Variants in COL4A5 observed in about 807,000 individuals in gnomAD.
COL4A5 encodes collagen type IV alpha 5 chain, also known as collagen alpha-5(IV) chain.
A neutral mutation model predicts 130.2 loss-of-function variants in COL4A5; 26 were observed. The ratio of observed to expected loss-of-function variants is 0.20; its 90% CI spans 0.15 to 0.28. The LOEUF is 0.28. Among genes scored for constraint, COL4A5 ranks in the 10% least tolerant of loss-of-function variants. The pLI is 1.00. For missense variants in COL4A5, 1,131 were observed against 1,344.3 expected, an observed-to-expected ratio of 0.84 and a Z score of 2.48; for synonymous variants, 496 against 439.6, an observed-to-expected ratio of 1.13 and a Z score of -1.60.
intron 46 of COL4A5, 136 bp downstream of exon 46, chrX:108,681,092 C>T (rs1163581201): frequency 4.0e-6 from 2 of 500,696 alleles, no homozygotes; most frequent in Admixed American, 3.4e-5. Context: ...CAAGGCTCTG[C>T]CTTTATTTAC....
chrX:108,546,846 C>T (rs1029684110), intron 2 of COL4A5, among the ~76,000 whole-genome samples: 1 of 111,700 alleles, frequency 9.0e-6, no homozygotes, highest in East Asian at 2.8e-4. Flanking sequence ...CTTCTCACTT[C>T]ATTTCATTCA....
intron 27 of COL4A5, among the ~76,000 whole-genome samples, chrX:108,602,528 A>G (rs915901505): frequency 1.8e-5 from 2 of 112,591 alleles, no homozygotes; most frequent in African/African-American, 6.5e-5. Context: ...TCATTTATAC[A>G]AAATGCTTTC....
Position 108,620,317 on chromosome X carries a change from A to G in COL4A5, c.2568A>G (p.Pro856=). The change falls in exon 31 of 53, where the codon CCA becomes CCG. Residue 856 remains proline (P), a synonymous_variant. Transcript: ENST00000328300. ...CAGGACCTCCTGGACTTGATGTTCC[A>G]GGACCCCCAGGTGAAAGAGGCAGTC... ...GDPGPPGLDV[P]GPPGERGSPG... The G allele has an allele frequency of 8.3e-7, 1 of 1,209,200 alleles. No individual in the cohort carries two copies. The highest frequency in any genetic ancestry group is 1.1e-6 in the Non-Finnish European group (1 of 893,540).
chrX:108,501,895 TTTG>T (rs2065082671), intron 1 of COL4A5, among the ~76,000 whole-genome samples: 2 of 112,327 alleles, frequency 1.8e-5, no homozygotes, highest in African/African-American at 6.5e-5. Context: ...CCTTAGACTA[TTTG>T]AGAGGTAGGA....
intron 1 of COL4A5, among the ~76,000 whole-genome samples, chrX:108,449,500 T>C (rs980594652): frequency 7.1e-5 from 8 of 112,024 alleles, no homozygotes; most frequent in South Asian, 3.7e-4. Context: ...ACCCCTACGG[T>C]TCCTGAAATC....
chrX:108,459,645 A>G (rs1305174666), intron 1 of COL4A5, among the ~76,000 whole-genome samples: 1 of 112,479 alleles, frequency 8.9e-6, no homozygotes, highest in Non-Finnish European at 1.9e-5. Flanking sequence ...ATTTAAACCT[A>G]CAGTATAAGA....
intron 44 of COL4A5, among the ~76,000 whole-genome samples, chrX:108,679,119 C>T (rs953674502): frequency 5.3e-5 from 6 of 112,315 alleles, no homozygotes; most frequent in Admixed American, 1.9e-4. Flanking sequence ...ATCTGCTTCT[C>T]ATTTGTGGTT....
At chrX:108,646,793 A>G (rs1289132029) in intron 36 of COL4A5, among the ~76,000 whole-genome samples, 1 of 111,589 alleles carries the variant, frequency 9.0e-6, no homozygotes, top group African/African-American at 3.3e-5. Flanking sequence ...TCAGCTTTCT[A>G]CATATGGCTA....
intron 2 of COL4A5, among the ~76,000 whole-genome samples, chrX:108,546,665 G>A (rs1213435176): frequency 1.8e-5 from 2 of 111,377 alleles, no homozygotes; most frequent in Non-Finnish European, 3.8e-5. Flanking sequence ...TGCCTTGCTA[G>A]GTTGGGGAAG....
At chrX:108,517,454 G>A (rs771898849) in intron 1 of COL4A5, among the ~76,000 whole-genome samples, 137 of 111,692 alleles carry the variant, frequency 1.2e-3, no homozygotes, top group Non-Finnish European at 2.2e-3. Flanking sequence ...ATTTGAGTTT[G>A]CATCATTGAA....
chrX:108,606,774 T>A lies in COL4A5; in HGVS notation c.2277T>A (p.Pro759=). The change falls in exon 29 of 53, where the codon CCT becomes CCA. Residue 759 remains proline, a synonymous_variant. Transcript: ENST00000328300. ...GEPGFALPGP[P]GPPGLPGFKG... is the part of the protein sequence containing the mutation. ...CAGGATTTGCATTACCTGGGCCACCTGGGCCACCAGGACTTCCAGGTTTCA... is the reference window on the plus strand; with the variant it reads ...CAGGATTTGCATTACCTGGGCCACCAGGGCCACCAGGACTTCCAGGTTTCA... 1 of 1,211,662 alleles carries A rather than the reference T, an allele frequency of 8.3e-7. No individual in the cohort carries two copies. The highest frequency in any genetic ancestry group is 1.1e-6 in the Non-Finnish European group (1 of 895,306).
chrX:108,665,635 T>C, intron 38 of COL4A5, 48 bp downstream of exon 38: 1 of 925,583 alleles, frequency 1.1e-6, no homozygotes, highest in Non-Finnish European at 1.6e-6. Flanking sequence ...CTAATGTTTA[T>C]CATATTAAGT....
At chrX:108,459,153 ATT>A (rs773538873) in intron 1 of COL4A5, among the ~76,000 whole-genome samples, 1 of 109,925 alleles carries the variant, frequency 9.1e-6, no homozygotes, top group African/African-American at 3.3e-5. Context: ...AATACAACTG[ATT>A]TTTTTTTCTA....
intron 1 of COL4A5, 69 bp from the exon 2 acceptor site, chrX:108,539,677 A>C (rs1316970168): frequency 4.7e-6 from 4 of 855,827 alleles, no homozygotes; most frequent in Non-Finnish European, 7.0e-6. Context: ...ATTTCAGTTG[A>C]GCTGTAAGTC....
chrX:108,599,960 T>A (rs1194787305), intron 25 of COL4A5, among the ~76,000 whole-genome samples: 1 of 112,371 alleles, frequency 8.9e-6, no homozygotes, highest in Non-Finnish European at 1.9e-5. Context: ...AGACCAATTG[T>A]ACCAATTTTT....
chrX:108,580,455 C>T, intron 13 of COL4A5, 78 bp from the exon 14 acceptor site: 1 of 847,693 alleles, frequency 1.2e-6, no homozygotes, highest in East Asian at 3.1e-5. Flanking sequence ...AAAAATGCTC[C>T]TAGCTAGCTC....
At chrX:108,469,528 A>G (rs1298494931) in intron 1 of COL4A5, among the ~76,000 whole-genome samples, 3 of 110,265 alleles carry the variant, frequency 2.7e-5, no homozygotes, top group Non-Finnish European at 5.7e-5. Flanking sequence ...AGTTATTTGT[A>G]TCTTCTCCCT....
intron 2 of COL4A5, among the ~76,000 whole-genome samples, chrX:108,553,384 T>G (rs1469209584): frequency 9.0e-6 from 1 of 111,572 alleles, no homozygotes; most frequent in Non-Finnish European, 1.9e-5. Flanking sequence ...CTCTAAAAAT[T>G]TAATAATAAA....
At chrX:108,631,050 T>G (rs772861005) in intron 36 of COL4A5, among the ~76,000 whole-genome samples, 5 of 112,126 alleles carry the variant, frequency 4.5e-5, no homozygotes, top group East Asian at 2.8e-4. Flanking sequence ...CTGTTTTGGT[T>G]ACTGTAGCCT....
Sources: gnomAD v4.1 joint callset for allele counts (sites outside exome capture counted in the v4.1 genomes callset) on GRCh38, gnomAD v4.1.1 for gene constraint, MANE v1.5 for transcripts, NCBI Gene and HGNC (gene_info 2026-07-23, HGNC 2026-07-21) for gene names.